The following LINGO2 variants were observed in gnomAD, a reference collection of about 807,000 sequenced individuals.
The protein encoded by LINGO2 is leucine-rich repeat and immunoglobulin-like domain-containing nogo receptor-interacting protein 2.
Under a neutral mutation model 30.6 loss-of-function variants are expected in LINGO2, and 14 were observed. That is an observed-to-expected ratio of 0.46 (90% CI 0.30 to 0.72). LINGO2 has a LOEUF of 0.72. LINGO2 is among the 30% of genes least tolerant of loss of function. The pLI is 0.07. For synonymous variants in LINGO2, 317 were observed against 288.5 expected, an observed-to-expected ratio of 1.10 and a Z score of -1.00; for missense variants, 729 against 751.7, an observed-to-expected ratio of 0.97 and a Z score of 0.35.
intron 4 of LINGO2, among the ~76,000 whole-genome samples, chr9:28,269,410 C>T (rs1297544632): frequency 6.6e-6 from 1 of 152,076 alleles, no homozygotes; most frequent in Non-Finnish European, 1.5e-5. Flanking sequence ...AGATTGAATA[C>T]ATCTCATCTT....
intron 5 of LINGO2, among the ~76,000 whole-genome samples, chr9:28,008,245 G>A (rs1822366553): frequency 6.6e-6 from 1 of 152,030 alleles, no homozygotes; most frequent in African/African-American, 2.4e-5. Context: ...CTCTTATGAT[G>A]TTTCTCAGCC....
chr9:28,226,970 G>A (rs1032889782), intron 4 of LINGO2, among the ~76,000 whole-genome samples: 18 of 152,120 alleles, frequency 1.2e-4, no homozygotes, highest in African/African-American at 4.3e-4. Flanking sequence ...TCAGGTATAT[G>A]TATCAGTCAG....
the LINGO2 span, among the ~76,000 whole-genome samples, chr9:29,194,353 T>G: frequency 1.3e-5 from 2 of 152,154 alleles, no homozygotes; most frequent in African/African-American, 4.8e-5. Flanking sequence ...CCTACTGCTA[T>G]GTTCTGCTAT....
the LINGO2 span, among the ~76,000 whole-genome samples, chr9:28,692,943 G>C: frequency 9.2e-5 from 14 of 151,992 alleles, no homozygotes; most frequent in African/African-American, 3.1e-4. Context: ...TTGCTTCAGA[G>C]AGTAATAAAT....
chr9:28,544,221 A>T (rs1821831671), intron 1 of LINGO2, among the ~76,000 whole-genome samples: 1 of 152,062 alleles, frequency 6.6e-6, no homozygotes, highest in South Asian at 2.1e-4. Flanking sequence ...AATACAAATA[A>T]AAAACAAAAA....
upstream of LINGO2, among the ~76,000 whole-genome samples, chr9:28,673,520 A>C (rs533674892): frequency 6.6e-6 from 1 of 152,022 alleles, no homozygotes; most frequent in African/African-American, 2.4e-5. Flanking sequence ...TAAAAACATT[A>C]GTGAGTTGTG....
chr9:29,027,824 C>T, the LINGO2 span, among the ~76,000 whole-genome samples: 1 of 152,126 alleles, frequency 6.6e-6, no homozygotes, highest in Non-Finnish European at 1.5e-5. Flanking sequence ...CTAAACTTTA[C>T]TTTTCCATCC....
At chr9:28,551,676 G>A (rs1822290114) in intron 1 of LINGO2, among the ~76,000 whole-genome samples, 1 of 151,904 alleles carries the variant, frequency 6.6e-6, no homozygotes, top group Admixed American at 6.6e-5. Flanking sequence ...TTATTTATAT[G>A]CAAATTTCTC....
intron 3 of LINGO2, among the ~76,000 whole-genome samples, chr9:28,372,179 A>C (rs796282641): frequency 4.6e-5 from 7 of 152,346 alleles, no homozygotes; most frequent in African/African-American, 1.7e-4. Context: ...AGATTGAATC[A>C]GCTATTATAT....
At chr9:28,263,708 C>A (rs1394729409) in intron 4 of LINGO2, among the ~76,000 whole-genome samples, 1 of 151,978 alleles carries the variant, frequency 6.6e-6, no homozygotes, top group African/African-American at 2.4e-5. Flanking sequence ...ACCACAGCTG[C>A]TTAAAAATAT....
the LINGO2 span, among the ~76,000 whole-genome samples, chr9:29,140,398 T>C: frequency 1.3e-5 from 2 of 151,580 alleles, no homozygotes; most frequent in African/African-American, 4.8e-5. Context: ...TACCTGAATT[T>C]AAAAGCTCAA....
intron 4 of LINGO2, among the ~76,000 whole-genome samples, chr9:28,221,289 G>T (rs1379536119): frequency 1.7e-5 from 2 of 118,412 alleles, no homozygotes; most frequent in Non-Finnish European, 3.3e-5. Flanking sequence ...GACAGAGCCA[G>T]ACCCCGTCTA....
rs1434471606 is a variant in LINGO2 at position 28,041,130 on chromosome 9, G to GGTC, written c.-86-28726_-86-28725insGAC. On this transcript the variant is annotated intron_variant, in intron 4 of 5. Coordinates refer to ENST00000379992, the Ensembl canonical transcript of LINGO2. Reference sequence around the variant, plus strand: ...CTACCACTATTGTTGACTGAAAAATGTTCCCTCAAAAGAGATCCAAGACCA... The same window carrying GGTC: ...CTACCACTATTGTTGACTGAAAAATGGTCTTCCCTCAAAAGAGATCCAAGACCA... Among the ~76,000 whole-genome samples the GGTC allele has an allele frequency of 4.4e-3, 677 of 152,290 alleles. 7 individuals carry two copies. The highest frequency in any genetic ancestry group is 0.016 in the African/African-American group (645 of 41,570).
chr9:28,397,782 C>T (rs1184725974), intron 2 of LINGO2, among the ~76,000 whole-genome samples: 2 of 151,976 alleles, frequency 1.3e-5, no homozygotes, highest in South Asian at 2.1e-4. Flanking sequence ...CTCCTGACCT[C>T]GTGATCCACT....
chr9:28,841,078 T>G, the LINGO2 span, among the ~76,000 whole-genome samples: 1 of 151,956 alleles, frequency 6.6e-6, no homozygotes, highest in African/African-American at 2.4e-5. Flanking sequence ...TAAGTTACTC[T>G]GTAACCTCCA....
chr9:28,923,067 G>A, the LINGO2 span, among the ~76,000 whole-genome samples: 2 of 152,150 alleles, frequency 1.3e-5, no homozygotes, highest in African/African-American at 4.8e-5. Flanking sequence ...AAGAAATGCG[G>A]CACTAGAAAC....
chr9:28,723,054 T>C, the LINGO2 span, among the ~76,000 whole-genome samples: 1 of 152,114 alleles, frequency 6.6e-6, no homozygotes, highest in Non-Finnish European at 1.5e-5. Flanking sequence ...ATGATTCTTT[T>C]TGAAAGCTAT....
chr9:28,823,277 A>G, the LINGO2 span, among the ~76,000 whole-genome samples: 11 of 152,212 alleles, frequency 7.2e-5, no homozygotes, highest in Non-Finnish European at 1.6e-4. Context: ...GCAACATTAC[A>G]AACTATGACA....
rs10968498 is a variant in LINGO2 at position 28,315,906 on chromosome 9, T to A, written c.-245-20540A>T. Among the ~76,000 whole-genome samples the A allele has an allele frequency of 0.014, 2,173 of 152,286 alleles. 94 individuals carry two copies. The East Asian group carries it at 0.15, about 10-fold the overall frequency. On this transcript the variant is annotated intron_variant, in intron 3 of 5. Coordinates refer to ENST00000379992, the Ensembl canonical transcript of LINGO2. ...GATTTGTGAATATGCAAATTAGTTT[T>A]TGGGTTAAATGCGTAGGCTCCAGGA...
Sources: allele counts gnomAD v4.1 joint callset (sites outside exome capture counted in the v4.1 genomes callset), GRCh38; gene constraint gnomAD v4.1.1; transcripts MANE v1.5; gene names NCBI Gene and HGNC (gene_info 2026-07-23, HGNC 2026-07-21).